The following GAP43 variants were observed in gnomAD, a reference collection of about 807,000 sequenced individuals.
The protein encoded by GAP43 is growth associated protein 43.
A neutral mutation model predicts 18.6 loss-of-function variants in GAP43; 6 were observed. The ratio of observed to expected loss-of-function variants is 0.32; its 90% CI spans 0.18 to 0.64. The LOEUF (loss-of-function observed/expected upper bound fraction) is 0.64, where lower values mean the gene tolerates loss of function less well. GAP43 is among the 30% of genes least tolerant of loss of function. The pLI is 0.78. For missense variants in GAP43, 292 were observed against 295.5 expected, an observed-to-expected ratio of 0.99 and a Z score of 0.09; for synonymous variants, 115 against 111.4, an observed-to-expected ratio of 1.03 and a Z score of -0.20.
intron 2 of GAP43, among the ~76,000 whole-genome samples, chr3:115,697,745 C>A (rs1709214994): frequency 6.6e-6 from 1 of 152,034 alleles, no homozygotes; most frequent in African/African-American, 2.4e-5. Flanking sequence ...GCCTTTCTTT[C>A]ATGTTGAATC....
At chr3:115,683,169 A>G (rs1708985994) in intron 2 of GAP43, among the ~76,000 whole-genome samples, 2 of 151,558 alleles carry the variant, frequency 1.3e-5, no homozygotes, top group Admixed American at 6.6e-5. Flanking sequence ...ACACACACAC[A>G]CACACACACA....
chr3:115,655,843 T>C (rs1056384883), intron 1 of GAP43, among the ~76,000 whole-genome samples: 2 of 152,190 alleles, frequency 1.3e-5, no homozygotes, highest in Admixed American at 6.5e-5. Flanking sequence ...CCACACGAAC[T>C]ACCCAGGAGG....
At chr3:115,638,335 C>T (rs972192220) in intron 1 of GAP43, among the ~76,000 whole-genome samples, 1 of 152,078 alleles carries the variant, frequency 6.6e-6, no homozygotes, top group Non-Finnish European at 1.5e-5. Context: ...AACCATGCGC[C>T]TCTTGGTCAC....
At chr3:115,711,103 C>T (rs1487383013) in intron 2 of GAP43, among the ~76,000 whole-genome samples, 1 of 152,138 alleles carries the variant, frequency 6.6e-6, no homozygotes, top group Non-Finnish European at 1.5e-5. Flanking sequence ...TAATTTCTTA[C>T]AGCTTCAATT....
intron 1 of GAP43, among the ~76,000 whole-genome samples, chr3:115,674,945 CA>C (rs1470005181): frequency 1.8e-4 from 28 of 152,112 alleles, no homozygotes; most frequent in African/African-American, 6.5e-4. Context: ...TAGACTTTTG[CA>C]AAATATTTTT....
At chr3:115,666,823 G>A (rs974301056) in intron 1 of GAP43, among the ~76,000 whole-genome samples, 6 of 152,284 alleles carry the variant, frequency 3.9e-5, no homozygotes, top group South Asian at 2.1e-4. Flanking sequence ...TTCAGAAGCT[G>A]GATGACGCTG....
At chr3:115,637,082 G>C (rs1708338415) in intron 1 of GAP43, among the ~76,000 whole-genome samples, 1 of 152,036 alleles carries the variant, frequency 6.6e-6, no homozygotes, top group Non-Finnish European at 1.5e-5. Flanking sequence ...CCTGAATCAA[G>C]ACTTATCTCA....
At chr3:115,698,197 AT>A (rs1490880542) in intron 2 of GAP43, among the ~76,000 whole-genome samples, 1 of 9,632 alleles carries the variant, frequency 1.0e-4, no homozygotes, top group Non-Finnish European at 1.9e-4. Flanking sequence ...TTAAATATAT[AT>A]TATATATTAT....
intron 1 of GAP43, among the ~76,000 whole-genome samples, chr3:115,646,221 G>C (rs1393497088): frequency 2.6e-5 from 4 of 152,076 alleles, no homozygotes; most frequent in Non-Finnish European, 5.9e-5. Context: ...TCCAACATTT[G>C]TGACCTATAA....
intron 1 of GAP43, chr3:115,663,748 T>G (rs1314309390): frequency 6.4e-7 from 1 of 1,551,028 alleles, no homozygotes; most frequent in South Asian, 1.2e-5. Context: ...TTTTAGACAG[T>G]GAACTAGGCC....
At chr3:115,643,965 C>A (rs1230179044) in intron 1 of GAP43, among the ~76,000 whole-genome samples, 1 of 152,024 alleles carries the variant, frequency 6.6e-6, no homozygotes, top group East Asian at 1.9e-4. Context: ...CGTGCTACAG[C>A]TAATGCATCC....
At chr3:115,650,324 G>C (rs535313318) in intron 1 of GAP43, among the ~76,000 whole-genome samples, 3 of 152,128 alleles carry the variant, frequency 2.0e-5, no homozygotes, top group Non-Finnish European at 4.4e-5. Context: ...AAATATCAGC[G>C]AGGGCATTAT....
At chr3:115,667,233 A>G (rs1192413017) in intron 1 of GAP43, among the ~76,000 whole-genome samples, 1 of 152,222 alleles carries the variant, frequency 6.6e-6, no homozygotes, top group Non-Finnish European at 1.5e-5. Flanking sequence ...TTATAGCCCA[A>G]GCGAAGTTCA....
chr3:115,661,452 C>T (rs894801066), intron 1 of GAP43, among the ~76,000 whole-genome samples: 1 of 152,164 alleles, frequency 6.6e-6, no homozygotes, highest in African/African-American at 2.4e-5. Context: ...GTCAAGCCCA[C>T]CGGGCTTTGA....
At position 115,690,734 on chromosome 3, in the gene GAP43, C is replaced by CT. The variant is rs764462426; in HGVS notation, c.628+14138dup. 6.5e-3 allele frequency among the ~76,000 whole-genome samples: 857 copies of CT among 131,418 alleles called. 5 individuals carry two copies. Among genetic ancestry groups the CT allele is most frequent in the African/African-American group, 0.011 (403 of 36,214 alleles). 86.2% of individuals were successfully genotyped at this position (131,418 alleles called of 152,430 possible). A position where few individuals can be genotyped will look rare whatever the true frequency, so the allele number is the denominator to read the frequency against. On this transcript the variant is annotated intron_variant, in intron 2 of 2. Coordinates refer to ENST00000305124, the MANE Select transcript of GAP43 (RefSeq NM_002045.4). ...CCATATGAAGATCCTCTGGGCAAAT[C>CT]TTTTTTTTTTTTTTCTTTCTTTCTT...
intron 1 of GAP43, among the ~76,000 whole-genome samples, chr3:115,660,782 C>G (rs1576985747): frequency 6.6e-6 from 1 of 152,214 alleles, no homozygotes; most frequent in East Asian, 1.9e-4. Context: ...ATTGCCAGCC[C>G]AAACTGCCCT....
chr3:115,693,938 A>C (rs1239263892), intron 2 of GAP43, among the ~76,000 whole-genome samples: 1 of 152,172 alleles, frequency 6.6e-6, no homozygotes, highest in African/African-American at 2.4e-5. Context: ...GAAAAACTGC[A>C]GGCTCCACGA....
At chr3:115,637,014 C>T (rs566923172) in intron 1 of GAP43, among the ~76,000 whole-genome samples, 18 of 151,960 alleles carry the variant, frequency 1.2e-4, no homozygotes, top group Non-Finnish European at 1.5e-4. Context: ...TCATTGTTAC[C>T]GCCACTACTT....
intron 2 of GAP43, among the ~76,000 whole-genome samples, chr3:115,681,705 T>TA (rs1708959702): frequency 6.6e-6 from 1 of 152,228 alleles, no homozygotes; most frequent in Non-Finnish European, 1.5e-5. Context: ...AGGTAGCACT[T>TA]AATGAGCATT....
Sources: allele counts gnomAD v4.1 joint callset (sites outside exome capture counted in the v4.1 genomes callset), GRCh38; gene constraint gnomAD v4.1.1; transcripts MANE v1.5; gene names NCBI Gene and HGNC (gene_info 2026-07-23, HGNC 2026-07-21).